Variants in CFI observed in about 807,000 individuals in gnomAD.
The protein encoded by CFI is complement factor I.
A neutral mutation model predicts 78.8 loss-of-function variants in CFI; 66 were observed. The observed-to-expected ratio is 0.84, with a 90% CI of 0.69 to 1.03. The LOEUF (loss-of-function observed/expected upper bound fraction) is 1.03. Ranked by LOEUF, CFI falls within the 50% of genes least tolerant of loss-of-function variation. CFI has a pLI of 0.00. For missense variants in CFI, 706 were observed against 704.5 expected (o/e 1.00, Z -0.02); for synonymous variants, 250 against 232.6 (o/e 1.07, Z -0.68).
At chr4:109,780,697 C>T (rs959574770) in intron 1 of CFI, among the ~76,000 whole-genome samples, 25 of 152,108 alleles carry the variant, frequency 1.6e-4, no homozygotes, top group Admixed American at 2.6e-4. Context: ...CACATGCACA[C>T]GTATGTTTAT....
chr4:109,741,559 T>C (rs1452136360), intron 12 of CFI, among the ~76,000 whole-genome samples: 1 of 152,218 alleles, frequency 6.6e-6, no homozygotes, highest in Non-Finnish European at 1.5e-5. Flanking sequence ...TTAACTTGTC[T>C]AAGGTCACAC....
intron 8 of CFI, among the ~76,000 whole-genome samples, chr4:109,752,168 C>T (rs1040567089): frequency 3.9e-5 from 6 of 152,052 alleles, no homozygotes; most frequent in Non-Finnish European, 8.8e-5. Flanking sequence ...CTTGTTTTTT[C>T]ACAAAACTGA....
chr4:109,756,949 GAA>G (rs1198105208), intron 7 of CFI, among the ~76,000 whole-genome samples: 4 of 142,542 alleles, frequency 2.8e-5, no homozygotes, highest in African/African-American at 1.1e-4. Flanking sequence ...AAGAAAGAAA[GAA>G]AGAAAGAAAG....
chr4:109,798,379 G>A (rs1579329315), intron 1 of CFI, among the ~76,000 whole-genome samples: 1 of 152,064 alleles, frequency 6.6e-6, no homozygotes, highest in African/African-American at 2.4e-5. Context: ...TTTTAGAAGT[G>A]GTGAATACGT....
intron 1 of CFI, among the ~76,000 whole-genome samples, chr4:109,788,637 A>G (rs1731025639): frequency 1.3e-5 from 2 of 152,088 alleles, no homozygotes. Flanking sequence ...CAGCACAGAC[A>G]CTTTTAAAAC....
At chr4:109,767,771 C>T (rs201274792) in intron 1 of CFI, among the ~76,000 whole-genome samples, 15,195 of 151,500 alleles carry the variant, frequency 0.1, 1,657 homozygotes, top group African/African-American at 0.27. Flanking sequence ...ACCCAGCCAT[C>T]CCATTACTGG....
intron 1 of CFI, among the ~76,000 whole-genome samples, chr4:109,782,162 T>C (rs1223654635): frequency 1.3e-5 from 2 of 151,818 alleles, no homozygotes; most frequent in African/African-American, 4.8e-5. Flanking sequence ...CTAGCCAGAG[T>C]AAACAGACAA....
At chr4:109,759,936 TACAA>T (rs56874026) in intron 6 of CFI, among the ~76,000 whole-genome samples, 2 of 151,858 alleles carry the variant, frequency 1.3e-5, no homozygotes, top group Non-Finnish European at 2.9e-5. Flanking sequence ...CCAACAAACA[TACAA>T]ACAAACAAAC....
chr4:109,766,800 G>A lies in CFI; in HGVS notation c.82C>T (p.Leu28=). Residue 28 remains leucine (L), a synonymous_variant, in exon 2 of 13, where the codon CTG becomes TTG. Coordinates refer to ENST00000394634, the MANE Select transcript of CFI (RefSeq NM_000204.5). Reference sequence around the variant, plus strand: ...TTTGCTAAGCACTTTTTCTCCACCAGATCCTCTTGAGATGTATAAGTGACC... The same window carrying A: ...TTTGCTAAGCACTTTTTCTCCACCAAATCCTCTTGAGATGTATAAGTGACC... The part of the protein sequence containing the change: ...CKVTYTSQED[L]VEKKCLAKKY... 1.2e-6 allele frequency: 2 copies of A among 1,614,120 alleles called. No homozygotes were observed. The highest frequency in any genetic ancestry group is 1.7e-6 in the Non-Finnish European group (2 of 1,180,018).
At chr4:109,769,366 T>G (rs1560549121) in intron 1 of CFI, among the ~76,000 whole-genome samples, 1 of 152,180 alleles carries the variant, frequency 6.6e-6, no homozygotes, top group Non-Finnish European at 1.5e-5. Context: ...GCTCTGACCT[T>G]CATGTCAGAT....
intron 2 of CFI, among the ~76,000 whole-genome samples, chr4:109,764,924 G>T (rs1339261628): frequency 6.6e-6 from 1 of 152,118 alleles, no homozygotes; most frequent in Non-Finnish European, 1.5e-5. Context: ...TGAGGATAAA[G>T]CCTATTTATT....
intron 10 of CFI, among the ~76,000 whole-genome samples, chr4:109,748,910 G>C (rs1478487476): frequency 6.6e-6 from 1 of 152,146 alleles, no homozygotes; most frequent in Non-Finnish European, 1.5e-5. Context: ...GGCCACAGTG[G>C]AGAACAAAAT....
intron 1 of CFI, among the ~76,000 whole-genome samples, chr4:109,798,301 C>T (rs777374962): frequency 6.6e-6 from 1 of 152,046 alleles, no homozygotes; most frequent in Non-Finnish European, 1.5e-5. Flanking sequence ...TTGCTAAGAG[C>T]ACAATTTCTT....
intron 1 of CFI, among the ~76,000 whole-genome samples, chr4:109,784,148 T>A (rs185701031): frequency 1.7e-3 from 266 of 152,082 alleles, no homozygotes; most frequent in African/African-American, 6.1e-3. Flanking sequence ...CTTGCTCATG[T>A]AACCAAATAC....
chr4:109,763,326 A>G (rs1474063977), intron 3 of CFI, among the ~76,000 whole-genome samples: 4 of 152,156 alleles, frequency 2.6e-5, no homozygotes, highest in Non-Finnish European at 5.9e-5. Flanking sequence ...AAAGGTAACT[A>G]AAGAAGTAGA....
At chr4:109,798,084 G>C (rs2125876094) in intron 1 of CFI, among the ~76,000 whole-genome samples, 1 of 152,264 alleles carries the variant, frequency 6.6e-6, no homozygotes, top group East Asian at 1.9e-4. Flanking sequence ...GGCAGGGACA[G>C]GAGGATAAAT....
Position 109,760,309 on chromosome 4 carries a change from C to G in CFI, c.844G>C (p.Val282Leu). ...TCATCTTCCCCTGTAATGCAGTCCA[C>G]CTCACCATTGCATTGATACTGGCTT... is the stretch of plus-strand genomic sequence containing the variant. The part of the protein sequence containing the change: ...IPSQYQCNGE[V>L]DCITGEDEVG... The change falls in exon 6 of 13, where the codon GTG (valine) becomes CTG (leucine). Residue 282 changes from valine to leucine, a missense_variant. Coordinates refer to ENST00000394634, the MANE Select transcript of CFI (RefSeq NM_000204.5). 6.2e-7 allele frequency: 1 copy of G among 1,614,152 alleles called. No homozygotes were observed. The highest frequency in any genetic ancestry group is 8.5e-7 in the Non-Finnish European group (1 of 1,179,998).
intron 1 of CFI, among the ~76,000 whole-genome samples, chr4:109,777,156 G>C (rs180904211): frequency 6.6e-5 from 10 of 152,204 alleles, no homozygotes; most frequent in East Asian, 5.8e-4. Flanking sequence ...CTAAATGCTC[G>C]AATTAAAAGA....
At chr4:109,791,449 G>A (rs1012454447) in intron 1 of CFI, among the ~76,000 whole-genome samples, 2 of 152,024 alleles carry the variant, frequency 1.3e-5, no homozygotes, top group African/African-American at 4.8e-5. Flanking sequence ...AGTTTAATTA[G>A]ATCCCATTTG....
Sources: allele counts gnomAD v4.1 joint callset (sites outside exome capture counted in the v4.1 genomes callset), GRCh38; gene constraint gnomAD v4.1.1; transcripts MANE v1.5; gene names NCBI Gene and HGNC (gene_info 2026-07-23, HGNC 2026-07-21).